The following BBX variants were observed in gnomAD, a reference collection of about 807,000 sequenced individuals.
BBX encodes HMG box transcription factor BBX.
A neutral mutation model predicts 100.2 loss-of-function variants in BBX; 30 were observed. The ratio of observed to expected loss-of-function variants is 0.30; its 90% CI spans 0.22 to 0.41. The LOEUF (loss-of-function observed/expected upper bound fraction) is 0.41, where lower values mean the gene tolerates loss of function less well. Among genes scored for constraint, BBX ranks in the 10% least tolerant of loss-of-function variants. BBX has a pLI of 1.00. For missense variants in BBX, 1,023 were observed against 1,129.8 expected (o/e 0.91, Z 1.35); for synonymous variants, 376 against 388.1 (o/e 0.97, Z 0.37).
chr3:107,710,678 A>G, intron 4 of BBX, 56 bp downstream of exon 4: 2 of 1,441,720 alleles, frequency 1.4e-6, no homozygotes, highest in Non-Finnish European at 1.9e-6. Context: ...ATCATAATCT[A>G]GAAACAATAG....
intron 3 of BBX, among the ~76,000 whole-genome samples, chr3:107,699,175 G>T (rs188493721): frequency 1.3e-5 from 2 of 151,890 alleles, no homozygotes; most frequent in East Asian, 3.9e-4. Context: ...TTAAGTGTAG[G>T]GTGCTGTGGA....
intron 2 of BBX, among the ~76,000 whole-genome samples, chr3:107,545,811 AT>A (rs1302801704): frequency 6.6e-6 from 1 of 152,200 alleles, no homozygotes; most frequent in Non-Finnish European, 1.5e-5. Context: ...GTGATGATGC[AT>A]TAAGTGGATA....
chr3:107,619,104 C>T (rs1263238244), intron 2 of BBX, among the ~76,000 whole-genome samples: 1 of 152,006 alleles, frequency 6.6e-6, no homozygotes, highest in African/African-American at 2.4e-5. Context: ...GGTATATTTT[C>T]TTGGCGATAT....
rs770465633 is a variant in BBX, at chr3:107,635,899, A to G, written c.-83-9937A>G. Among the ~76,000 whole-genome samples the G allele has an allele frequency of 3.3e-5, 5 of 152,082 alleles. No individual in the cohort carries two copies. In the East Asian group the frequency reaches 5.8e-4, roughly 18 times the overall value. ...ACTAATTTTTGTATTTTTAGTAGAG[A>G]TGGCATTTCACCATGTTGGCCAGGA... On this transcript the variant is annotated intron_variant, in intron 2 of 17. Transcript: ENST00000325805.
intron 3 of BBX, among the ~76,000 whole-genome samples, chr3:107,708,053 G>C (rs773577920): frequency 6.6e-6 from 1 of 152,134 alleles, no homozygotes; most frequent in Non-Finnish European, 1.5e-5. Flanking sequence ...TCATCCTGAA[G>C]TGATTACTAT....
chr3:107,584,681 T>A, intron 2 of BBX, among the ~76,000 whole-genome samples: 1 of 107,024 alleles, frequency 9.3e-6, no homozygotes, highest in South Asian at 3.5e-4. Flanking sequence ...TCTTTTTTTT[T>A]TTTTTTTTTT....
intron 2 of BBX, among the ~76,000 whole-genome samples, chr3:107,625,905 T>C (rs376548075): frequency 6.6e-6 from 1 of 152,282 alleles, no homozygotes; most frequent in African/African-American, 2.4e-5. Flanking sequence ...TGACAAATAA[T>C]AATCGTATTT....
chr3:107,543,077 T>A (rs1173439324), intron 2 of BBX, among the ~76,000 whole-genome samples: 1 of 152,200 alleles, frequency 6.6e-6, no homozygotes, highest in Non-Finnish European at 1.5e-5. Flanking sequence ...AGATGAAATA[T>A]CTGTGATTAA....
chr3:107,593,055 CT>C (rs1243546303), intron 2 of BBX, among the ~76,000 whole-genome samples: 1 of 152,182 alleles, frequency 6.6e-6, no homozygotes, highest in African/African-American at 2.4e-5. Context: ...TGGTGTTCTG[CT>C]AGATCTGTTA....
At position 107,768,052 on chromosome 3, in the gene BBX, C is replaced by T. The variant is rs541577572; in HGVS notation, c.907-4576C>T. Among the ~76,000 whole-genome samples the T allele has an allele frequency of 3.2e-4, 48 of 152,294 alleles. 1 individual carries two copies. Among genetic ancestry groups the T allele is most frequent in the African/African-American group, 1.0e-3 (42 of 41,568 alleles). On this transcript the variant is annotated intron_variant, in intron 10 of 17. Transcript: ENST00000325805. The stretch of plus-strand genomic sequence containing the variant: ...CCATGGGCTTCAGTGTCACTCTTTC[C>T]GCATCTGTTTCTTCTGTGGCTTTCT...
intron 13 of BBX, among the ~76,000 whole-genome samples, chr3:107,780,545 T>C (rs2067768021): frequency 6.6e-6 from 1 of 152,094 alleles, no homozygotes; most frequent in African/African-American, 2.4e-5. Flanking sequence ...TCTTCCATTA[T>C]ACCTCTCAAG....
At chr3:107,672,011 A>T (rs1002255603) in intron 3 of BBX, among the ~76,000 whole-genome samples, 1 of 152,064 alleles carries the variant, frequency 6.6e-6, no homozygotes, top group Admixed American at 6.6e-5. Flanking sequence ...TGATAAAATG[A>T]ATTTTTGAAG....
chr3:107,571,781 T>G (rs1022253010), intron 2 of BBX, among the ~76,000 whole-genome samples: 1 of 152,240 alleles, frequency 6.6e-6, no homozygotes, highest in Non-Finnish European at 1.5e-5. Flanking sequence ...TTATTTCACC[T>G]GGGTGCAGGC....
intron 3 of BBX, among the ~76,000 whole-genome samples, chr3:107,687,375 C>T (rs2059908581): frequency 6.6e-6 from 1 of 151,542 alleles, no homozygotes; most frequent in Non-Finnish European, 1.5e-5. Flanking sequence ...CTGTGAAGGC[C>T]CGCATAGCTG....
intron 2 of BBX, among the ~76,000 whole-genome samples, chr3:107,528,832 A>G (rs1372357007): frequency 6.6e-6 from 1 of 152,242 alleles, no homozygotes; most frequent in East Asian, 1.9e-4. Flanking sequence ...CACACTTTTC[A>G]GTAAAATCAC....
intron 2 of BBX, among the ~76,000 whole-genome samples, chr3:107,559,241 T>G (rs750965777): frequency 2.6e-5 from 4 of 152,004 alleles, no homozygotes; most frequent in South Asian, 4.2e-4. Context: ...TGACAACAGA[T>G]GAATAGGGGA....
intron 10 of BBX, among the ~76,000 whole-genome samples, chr3:107,757,127 G>T (rs756892699): frequency 4.6e-5 from 7 of 151,946 alleles, no homozygotes; most frequent in Non-Finnish European, 7.4e-5. Flanking sequence ...AAATACATAT[G>T]ATTTCTTAAA....
intron 2 of BBX, among the ~76,000 whole-genome samples, chr3:107,539,318 T>C (rs2048715325): frequency 6.6e-6 from 1 of 152,158 alleles, no homozygotes; most frequent in Non-Finnish European, 1.5e-5. Context: ...GACATACATA[T>C]ACCAAATGTG....
intron 3 of BBX, among the ~76,000 whole-genome samples, chr3:107,658,164 C>G (rs2058250543): frequency 6.6e-6 from 1 of 152,076 alleles, no homozygotes; most frequent in Admixed American, 6.6e-5. Context: ...TTCTTTTTAG[C>G]TGAAACTGTG....
Sources: gnomAD v4.1 joint callset for allele counts (sites outside exome capture counted in the v4.1 genomes callset) on GRCh38, gnomAD v4.1.1 for gene constraint, MANE v1.5 for transcripts, NCBI Gene and HGNC (gene_info 2026-07-23, HGNC 2026-07-21) for gene names.